Variants in SMYD3 observed in about 807,000 individuals in gnomAD.
SMYD3 encodes histone-lysine N-methyltransferase SMYD3.
SMYD3 carries 36 observed loss-of-function variants against 57.7 expected under a neutral mutation model. The ratio of observed to expected loss-of-function variants is 0.62; its 90% CI spans 0.48 to 0.82. SMYD3 has a LOEUF of 0.82. SMYD3 is among the 40% of genes least tolerant of loss of function. The pLI is 0.00. For missense variants in SMYD3, 515 were observed against 538.8 expected (o/e 0.96, Z 0.44); for synonymous variants, 211 against 195.0 (o/e 1.08, Z -0.68).
At chr1:245,792,208 C>G (rs1362756324) in intron 10 of SMYD3, among the ~76,000 whole-genome samples, 1 of 152,110 alleles carries the variant, frequency 6.6e-6, no homozygotes, top group Non-Finnish European at 1.5e-5. Flanking sequence ...ATGCTGGGTA[C>G]CGCTCTAGAT....
chr1:246,436,190 G>GAAAA (rs56349877), intron 1 of SMYD3, among the ~76,000 whole-genome samples: 1 of 141,444 alleles, frequency 7.1e-6, no homozygotes. Flanking sequence ...TTTCTTATTT[G>GAAAA]AAAAAAAAAA....
At chr1:246,224,000 T>C (rs908018128) in intron 5 of SMYD3, among the ~76,000 whole-genome samples, 1 of 152,106 alleles carries the variant, frequency 6.6e-6, no homozygotes, top group Non-Finnish European at 1.5e-5. Context: ...TGTAAGAGGA[T>C]TTAGATTCTT....
At chr1:246,148,860 C>G (rs1484705599) in intron 5 of SMYD3, among the ~76,000 whole-genome samples, 1 of 152,198 alleles carries the variant, frequency 6.6e-6, no homozygotes, top group African/African-American at 2.4e-5. Flanking sequence ...ACTGTGCCAT[C>G]AGAGGACACC....
chr1:245,786,216 G>GGGC (rs1553321366), intron 10 of SMYD3, among the ~76,000 whole-genome samples: 17 of 138,420 alleles, frequency 1.2e-4, no homozygotes, highest in East Asian at 8.1e-4. Flanking sequence ...GTGTGGACGG[G>GGGC]GGGGGGATGG....
At chr1:245,920,334 A>T (rs887097971) in intron 7 of SMYD3, among the ~76,000 whole-genome samples, 1 of 131,988 alleles carries the variant, frequency 7.6e-6, no homozygotes, top group East Asian at 2.1e-4. Context: ...AAAAAAAAAA[A>T]AAAAGATGAC....
intron 1 of SMYD3, among the ~76,000 whole-genome samples, chr1:246,433,847 G>C (rs937807723): frequency 3.9e-5 from 6 of 152,122 alleles, no homozygotes; most frequent in Admixed American, 2.0e-4. Context: ...AAAGCCAGAG[G>C]CATCACATTA....
intron 5 of SMYD3, chr1:246,096,136 T>C (rs2060910210): frequency 6.6e-6 from 1 of 152,164 alleles, no homozygotes; most frequent in Non-Finnish European, 1.5e-5. Flanking sequence ...TTTTCTGCAG[T>C]TGAGAGGTAA....
At chr1:246,380,540 C>A (rs1435765986) in intron 1 of SMYD3, among the ~76,000 whole-genome samples, 3 of 152,212 alleles carry the variant, frequency 2.0e-5, no homozygotes, top group Admixed American at 6.5e-5. Flanking sequence ...CTTCTGAATG[C>A]CATATCCTTC....
At position 245,976,999 on chromosome 1, in the gene SMYD3, CTAGCCCAGGGAAAGCCAT is replaced by C. The variant is rs1558551215; in HGVS notation, c.532-47080_532-47063del. ...TCCGGCCCAGGGAAAGCCATCGTCT[CTAGCCCAGGGAAAGCCAT>C]CGTCTCTAGCCCAGGGAAAGCCATC... On this transcript the variant is annotated intron_variant, in intron 5 of 11. Coordinates refer to ENST00000490107, the MANE Select transcript of SMYD3 (RefSeq NM_001167740.2). Among the ~76,000 whole-genome samples the C allele has an allele frequency of 5.5e-4, 48 of 86,974 alleles. 9 individuals carry two copies. Among genetic ancestry groups the C allele is most frequent in the East Asian group, 4.7e-3 (14 of 2,964 alleles). 57.1% of individuals were successfully genotyped at this position (86,974 alleles called of 152,430 possible). A position where few individuals can be genotyped will look rare whatever the true frequency, so the allele number is the denominator to read the frequency against.
chr1:246,086,496 A>AT (rs1433334189), intron 5 of SMYD3, among the ~76,000 whole-genome samples: 1 of 146,922 alleles, frequency 6.8e-6, no homozygotes, highest in Non-Finnish European at 1.5e-5. Flanking sequence ...CTACGGATAT[A>AT]TTTTCTTTTT....
chr1:246,410,042 G>C (rs2066937613), intron 1 of SMYD3, among the ~76,000 whole-genome samples: 1 of 152,138 alleles, frequency 6.6e-6, no homozygotes, highest in Non-Finnish European at 1.5e-5. Flanking sequence ...GACTGCTGAA[G>C]TTGCTTATCA....
intron 5 of SMYD3, among the ~76,000 whole-genome samples, chr1:245,968,960 G>A (rs1259656990): frequency 6.6e-6 from 1 of 152,084 alleles, no homozygotes. Flanking sequence ...CTGCATCATA[G>A]GGCTATGAGA....
At chr1:245,868,569 C>T (rs184075309) in intron 8 of SMYD3, among the ~76,000 whole-genome samples, 53 of 152,288 alleles carry the variant, frequency 3.5e-4, no homozygotes, top group Middle Eastern at 3.4e-3. Flanking sequence ...CACCAGTGAA[C>T]ATAACCTGAT....
chr1:245,795,547 G>A (rs950963035), intron 10 of SMYD3, among the ~76,000 whole-genome samples: 4 of 152,056 alleles, frequency 2.6e-5, no homozygotes, highest in South Asian at 2.1e-4. Flanking sequence ...AGATTCACTC[G>A]CTTTGAGCCT....
chr1:245,997,597 G>A (rs2058956507), intron 5 of SMYD3, among the ~76,000 whole-genome samples: 1 of 152,170 alleles, frequency 6.6e-6, no homozygotes, highest in Non-Finnish European at 1.5e-5. Context: ...GGGGTAGGGT[G>A]GTGAGAGGCA....
intron 5 of SMYD3, among the ~76,000 whole-genome samples, chr1:246,321,074 G>A (rs1332748094): frequency 6.6e-6 from 1 of 152,202 alleles, no homozygotes; most frequent in Non-Finnish European, 1.5e-5. Context: ...GGCTATGACT[G>A]AAACTAAGCC....
At chr1:246,183,298 A>T (rs1484800282) in intron 5 of SMYD3, among the ~76,000 whole-genome samples, 3 of 152,066 alleles carry the variant, frequency 2.0e-5, no homozygotes, top group African/African-American at 7.2e-5. Context: ...AGAAACTACA[A>T]AGAAAACATC....
intron 5 of SMYD3, among the ~76,000 whole-genome samples, chr1:245,990,739 G>A (rs1423683387): frequency 1.2e-4 from 19 of 152,292 alleles, no homozygotes; most frequent in African/African-American, 2.4e-5. Flanking sequence ...AGAAGGAGCC[G>A]GCCCTGCCAA....
intron 5 of SMYD3, among the ~76,000 whole-genome samples, chr1:246,081,690 A>C (rs1219420549): frequency 6.6e-6 from 1 of 152,142 alleles, no homozygotes; most frequent in Non-Finnish European, 1.5e-5. Context: ...CACTGCACCC[A>C]GCCCCTAGCT....
Sources: allele counts gnomAD v4.1 joint callset (sites outside exome capture counted in the v4.1 genomes callset), GRCh38; gene constraint gnomAD v4.1.1; transcripts MANE v1.5; gene names NCBI Gene and HGNC (gene_info 2026-07-23, HGNC 2026-07-21).